Variants in EIF4G3 observed in about 807,000 individuals in gnomAD.
The protein encoded by EIF4G3 is eIF-4-gamma 3.
A neutral mutation model predicts 186.4 loss-of-function variants in EIF4G3; 34 were observed. The observed-to-expected ratio is 0.18, with a 90% confidence interval of 0.14 to 0.24. EIF4G3 has a LOEUF of 0.24. EIF4G3 is among the 10% of genes least tolerant of loss of function. EIF4G3 has a pLI of 1.00. For synonymous variants in EIF4G3, 673 were observed against 679.5 expected, an observed-to-expected ratio of 0.99 and a Z score of 0.15; for missense variants, 1,536 against 1,948.5, an observed-to-expected ratio of 0.79 and a Z score of 3.99.
chr1:20,873,351 T>C (rs1435571393), intron 20 of EIF4G3, among the ~76,000 whole-genome samples: 2 of 152,222 alleles, frequency 1.3e-5, no homozygotes, highest in East Asian at 1.9e-4. Context: ...ATATGAGATA[T>C]GTATGTTTAT....
At chr1:20,857,560 G>A (rs1472940030) in intron 24 of EIF4G3, 63 bp from the exon 25 acceptor site, 13 of 1,311,312 alleles carry the variant, frequency 9.9e-6, no homozygotes, top group Admixed American at 3.4e-5. Context: ...TTGAAAGAGT[G>A]AGCAATATTT....
At chr1:21,168,940 G>A (rs2097907994) in intron 2 of EIF4G3, among the ~76,000 whole-genome samples, 1 of 152,156 alleles carries the variant, frequency 6.6e-6, no homozygotes, top group Admixed American at 6.5e-5. Context: ...AACTTTGGGA[G>A]GCCAAGGTGA....
intron 2 of EIF4G3, among the ~76,000 whole-genome samples, chr1:21,099,065 C>T (rs183940613): frequency 5.4e-4 from 81 of 149,808 alleles, no homozygotes; most frequent in Non-Finnish European, 7.2e-4. Context: ...AAAACCAAAA[C>T]GAGATATCAC....
At chr1:21,130,960 C>T (rs567529052) in intron 2 of EIF4G3, among the ~76,000 whole-genome samples, 3 of 152,148 alleles carry the variant, frequency 2.0e-5, no homozygotes, top group Non-Finnish European at 2.9e-5. Flanking sequence ...GGGCCAGGCA[C>T]GGTGGCTCAT....
At position 20,950,094 on chromosome 1, in the gene EIF4G3, G is replaced by A. The variant is rs747823685; in HGVS notation, c.732C>T (p.Val244=). ...PTPPQQLPSQ[V]PEHSPVVYGT... is the part of the protein sequence containing the mutation. ...CATAAACCACAGGGCTGTGCTCGGG[G>A]ACCTGGCTGGGCAGCTGCTGGGATT... Residue 244 remains valine (V), a synonymous_variant, in exon 13 of 37, where the codon GTC becomes GTT. Coordinates refer to ENST00000602326, the MANE Select transcript of EIF4G3 (RefSeq NM_001391906.1). The A allele has an allele frequency of 1.2e-5, 19 of 1,592,718 alleles. No individual in the cohort carries two copies. Among genetic ancestry groups the A allele is most frequent in the Admixed American group, 1.1e-4 (6 of 53,854 alleles).
Position 21,107,566 on chromosome 1 carries a change from C to T in EIF4G3, c.-271-18353G>A, listed in dbSNP as rs77145322. Reference sequence around the variant, plus strand: ...TTCTGAGGTTCCAGAGCAGGGGTCTCCACAAGTTAGCTATAATCTTAATAG... The same window carrying T: ...TTCTGAGGTTCCAGAGCAGGGGTCTTCACAAGTTAGCTATAATCTTAATAG... On this transcript the variant is annotated intron_variant, in intron 2 of 36. Transcript: ENST00000602326. Among the ~76,000 whole-genome samples, 1,498 of 152,282 alleles carry T rather than the reference C, an allele frequency of 9.8e-3. 110 individuals carry two copies. In the East Asian group the frequency reaches 0.22, roughly 22 times the overall value.
At chr1:21,138,222 T>A (rs956711734) in intron 2 of EIF4G3, among the ~76,000 whole-genome samples, 26 of 152,148 alleles carry the variant, frequency 1.7e-4, no homozygotes, top group Non-Finnish European at 3.7e-4. Context: ...TGCAATCCAT[T>A]TAAATGACCT....
At chr1:20,930,767 T>C (rs2095270643) in intron 14 of EIF4G3, among the ~76,000 whole-genome samples, 1 of 152,204 alleles carries the variant, frequency 6.6e-6, no homozygotes. Context: ...TCTACTGAAG[T>C]CTTGAGCCCC....
At chr1:21,168,411 T>TA (rs113247116) in intron 2 of EIF4G3, among the ~76,000 whole-genome samples, 42 of 150,254 alleles carry the variant, frequency 2.8e-4, no homozygotes, top group African/African-American at 7.3e-4. Context: ...CTCAATTTTT[T>TA]AAAAAAAAAA....
At chr1:20,903,442 A>G (rs1319089515) in intron 15 of EIF4G3, among the ~76,000 whole-genome samples, 8 of 152,236 alleles carry the variant, frequency 5.3e-5, no homozygotes, top group African/African-American at 1.9e-4. Flanking sequence ...CAAAAAAACC[A>G]GCTGAATCTA....
intron 12 of EIF4G3, among the ~76,000 whole-genome samples, chr1:20,967,645 T>A (rs1044653103): frequency 2.0e-5 from 3 of 152,144 alleles, no homozygotes; most frequent in Admixed American, 1.3e-4. Flanking sequence ...AGAAAACATA[T>A]CATTACAACA....
Position 20,893,574 on chromosome 1 carries a change from G to C in EIF4G3, c.2196C>G (p.Asp732Glu), listed in dbSNP as rs1454629234. ...LDPRILPRGP[D>E]FTPAFADFGR... is the part of the protein sequence containing the mutation. The stretch of plus-strand genomic sequence containing the variant: ...CAAAATCAGCAAAGGCTGGTGTAAA[G>C]TCTGGTCCTCGAGGCAAAATTCGAG... Residue 732 changes from aspartate (D) to glutamate (E), a missense_variant, in exon 18 of 37, where the codon GAC (aspartate) becomes GAG (glutamate). Physicochemically the swap from Asp to Glu is conservative, Grantham distance 45. Transcript: ENST00000602326. The C allele has an allele frequency of 1.3e-6, 2 of 1,597,946 alleles. No homozygotes were observed. The highest frequency in any genetic ancestry group is 8.6e-7 in the Non-Finnish European group (1 of 1,167,980).
chr1:20,919,352 G>T (rs1163173827), intron 14 of EIF4G3, among the ~76,000 whole-genome samples: 3 of 152,090 alleles, frequency 2.0e-5, no homozygotes, highest in African/African-American at 7.2e-5. Context: ...GGAAGTACAG[G>T]TGCATGCCAC....
chr1:20,944,283 G>C lies in EIF4G3; in HGVS notation c.824-1953C>G, dbSNP rs1192839454. Among the ~76,000 whole-genome samples, 2 of 151,970 alleles carry C rather than the reference G, an allele frequency of 1.3e-5. 1 individual carries two copies. Among genetic ancestry groups the C allele is most frequent in the African/African-American group, 4.8e-5 (2 of 41,366 alleles). ...TAATCCTAGCACTTTAGGAGGCTGAGACGGGAGGATCTCTTGAGCCTAGGA... is the reference window on the plus strand; with the variant it reads ...TAATCCTAGCACTTTAGGAGGCTGACACGGGAGGATCTCTTGAGCCTAGGA... On this transcript the variant is annotated intron_variant, in intron 13 of 36. Transcript: ENST00000602326.
At chr1:20,950,198 G>A in intron 12 of EIF4G3, 87 bp from the exon 13 acceptor site, 1 of 885,708 alleles carries the variant, frequency 1.1e-6, no homozygotes, top group Non-Finnish European at 1.7e-6. Context: ...AGGGAAGACA[G>A]TAGAGCACAG....
chr1:20,845,649 A>G (rs2070692638), intron 29 of EIF4G3, among the ~76,000 whole-genome samples: 1 of 152,200 alleles, frequency 6.6e-6, no homozygotes, highest in Admixed American at 6.5e-5. Context: ...GCAACAGTGC[A>G]AGACTCCATC....
intron 2 of EIF4G3, among the ~76,000 whole-genome samples, chr1:21,110,605 A>G (rs1314230228): frequency 1.3e-5 from 2 of 151,598 alleles, no homozygotes; most frequent in Non-Finnish European, 2.9e-5. Flanking sequence ...TAATTTTTGT[A>G]TTTTTAGTAG....
intron 20 of EIF4G3, among the ~76,000 whole-genome samples, chr1:20,867,264 A>C (rs1318004632): frequency 6.6e-6 from 1 of 152,250 alleles, no homozygotes; most frequent in Non-Finnish European, 1.5e-5. Context: ...ACTGAAATCG[A>C]AAGAGTGCTG....
intron 30 of EIF4G3, among the ~76,000 whole-genome samples, chr1:20,836,449 G>A (rs1334325494): frequency 6.6e-6 from 1 of 152,118 alleles, no homozygotes; most frequent in Non-Finnish European, 1.5e-5. Flanking sequence ...GTCTTGCTAT[G>A]TTGCCCAGGC....
Sources: allele counts gnomAD v4.1 joint callset (sites outside exome capture counted in the v4.1 genomes callset), GRCh38; gene constraint gnomAD v4.1.1; transcripts MANE v1.5; gene names NCBI Gene and HGNC (gene_info 2026-07-23, HGNC 2026-07-21).